MLIP: variants seen among roughly 807,000 people sequenced by gnomAD.
MLIP encodes the protein muscular LMNA interacting protein, also known as muscular LMNA-interacting protein.
MLIP carries 79 observed loss-of-function variants against 84.8 expected under a neutral mutation model. The observed-to-expected ratio is 0.93, with a 90% CI of 0.78 to 1.12. The LOEUF (loss-of-function observed/expected upper bound fraction) is 1.12, where lower values mean the gene tolerates loss of function less well. Among genes scored for constraint, MLIP ranks in the 50% most tolerant of loss-of-function variants. The pLI, the probability that MLIP is intolerant of heterozygous loss-of-function variation, is 0.00. For synonymous variants in MLIP, 504 were observed against 463.0 expected (o/e 1.09, Z -1.14); for missense variants, 1,257 against 1,160.6 (o/e 1.08, Z -1.21).
At chr6:54,236,876 A>C (rs1466241151) in intron 12 of MLIP, among the ~76,000 whole-genome samples, 1 of 152,126 alleles carries the variant, frequency 6.6e-6, no homozygotes, top group Non-Finnish European at 1.5e-5. Flanking sequence ...TGTGTCTTTA[A>C]ACAGTAAACA....
upstream of MLIP, among the ~76,000 whole-genome samples, chr6:54,109,565 T>C (rs535118): frequency 1 from 152,023 of 152,088 alleles, 75,979 homozygotes; most frequent in Middle Eastern, 1. Context: ...CCCTCTCTCT[T>C]TGCTTGAAAT....
chr6:54,142,685 G>A (rs1772417673), intron 4 of MLIP, among the ~76,000 whole-genome samples: 1 of 152,142 alleles, frequency 6.6e-6, no homozygotes, highest in Non-Finnish European at 1.5e-5. Context: ...AAATAGATAA[G>A]TGACCATCTT....
At chr6:54,069,772 T>A (rs1364948948) in intron 1 of MLIP, among the ~76,000 whole-genome samples, 1 of 99,810 alleles carries the variant, frequency 1.0e-5, no homozygotes, top group African/African-American at 2.6e-5. Context: ...CACACAAAAA[T>A]TTAAGAAAAA....
chr6:54,228,454 C>A (rs1017873216), intron 11 of MLIP, among the ~76,000 whole-genome samples: 2 of 152,164 alleles, frequency 1.3e-5, no homozygotes, highest in African/African-American at 4.8e-5. Context: ...TTTTGCTCGT[C>A]CAAGTGCTGA....
chr6:54,261,764 G>C, intron 13 of MLIP: 1 of 982,960 alleles, frequency 1.0e-6, no homozygotes, highest in African/African-American at 1.7e-5. Context: ...CTCATTTTCT[G>C]GTTTGATTCA....
At chr6:54,228,219 A>C (rs9464038) in intron 11 of MLIP, among the ~76,000 whole-genome samples, 2 of 143,022 alleles carry the variant, frequency 1.4e-5, no homozygotes, top group African/African-American at 2.6e-5. Context: ...AAAAAAGAGA[A>C]AGAAAAAAGA....
At chr6:54,224,218 T>C (rs1288483478) in intron 11 of MLIP, among the ~76,000 whole-genome samples, 1 of 151,548 alleles carries the variant, frequency 6.6e-6, no homozygotes, top group Non-Finnish European at 1.5e-5. Flanking sequence ...AACAGATCAA[T>C]AAAAAGGGAG....
chr6:54,205,377 A>G (rs1051735706), intron 11 of MLIP, among the ~76,000 whole-genome samples: 4 of 152,202 alleles, frequency 2.6e-5, no homozygotes, highest in African/African-American at 9.7e-5. Context: ...TTAGCCAGAC[A>G]GTTGGGCCAA....
chr6:54,213,910 G>T (rs991411013), intron 11 of MLIP, among the ~76,000 whole-genome samples: 10 of 151,714 alleles, frequency 6.6e-5, no homozygotes, highest in African/African-American at 2.4e-4. Context: ...ATAAAACCAT[G>T]GTCTATTCTG....
At chr6:54,206,603 T>C (rs748507544) in intron 11 of MLIP, among the ~76,000 whole-genome samples, 1 of 152,186 alleles carries the variant, frequency 6.6e-6, no homozygotes, top group Non-Finnish European at 1.5e-5. Context: ...TTCCTTGTTA[T>C]AGTATTTCAT....
chr6:54,154,194 C>T (rs1773774636), intron 5 of MLIP, among the ~76,000 whole-genome samples: 1 of 151,934 alleles, frequency 6.6e-6, no homozygotes, highest in Admixed American at 6.6e-5. Context: ...TAGTTTGGGG[C>T]CAGATAGGTC....
intron 11 of MLIP, among the ~76,000 whole-genome samples, chr6:54,223,437 GA>G (rs923008510): frequency 4.6e-5 from 7 of 151,830 alleles, no homozygotes; most frequent in African/African-American, 1.5e-4. Context: ...TATATTGTGT[GA>G]AATAAGGATC....
chr6:54,032,336 A>C (rs1764187659), intron 1 of MLIP: 2 of 152,070 alleles, frequency 1.3e-5, no homozygotes, highest in African/African-American at 4.8e-5. Context: ...ATCCTTTGAA[A>C]ATTTTCATAT....
At chr6:54,107,092 T>C (rs553439599), upstream of MLIP, among the ~76,000 whole-genome samples, 19 of 152,210 alleles carry the variant, frequency 1.2e-4, no homozygotes, top group Non-Finnish European at 2.2e-4. Context: ...CTTATCATTG[T>C]CTCTGTGCCT....
chr6:54,222,950 C>T (rs990561049), intron 11 of MLIP, among the ~76,000 whole-genome samples: 6 of 151,960 alleles, frequency 3.9e-5, no homozygotes, highest in African/African-American at 1.2e-4. Flanking sequence ...ATTTGCATTT[C>T]CCTGATGACT....
At chr6:54,141,558 C>T (rs891031269) in intron 4 of MLIP, among the ~76,000 whole-genome samples, 3 of 152,094 alleles carry the variant, frequency 2.0e-5, no homozygotes, top group Non-Finnish European at 2.9e-5. Flanking sequence ...CCGCCTGCCT[C>T]GGCATCCCAA....
intron 1 of MLIP, among the ~76,000 whole-genome samples, chr6:54,094,548 T>G (rs966577019): frequency 1.3e-5 from 2 of 152,058 alleles, no homozygotes; most frequent in African/African-American, 4.8e-5. Flanking sequence ...TTTTCCCATA[T>G]CCCACAGGTG....
intron 12 of MLIP, among the ~76,000 whole-genome samples, chr6:54,234,546 A>C (rs1401249097): frequency 6.6e-6 from 1 of 152,086 alleles, no homozygotes; most frequent in Non-Finnish European, 1.5e-5. Flanking sequence ...GATGCTGCAA[A>C]TCTATCAGTT....
intron 1 of MLIP, among the ~76,000 whole-genome samples, chr6:54,090,114 T>C (rs1371386761): frequency 6.6e-6 from 1 of 152,160 alleles, no homozygotes; most frequent in African/African-American, 2.4e-5. Flanking sequence ...TTCTTTCTTA[T>C]GCTTTTGGAT....
Sources: allele counts gnomAD v4.1 joint callset (sites outside exome capture counted in the v4.1 genomes callset), GRCh38; gene constraint gnomAD v4.1.1; transcripts MANE v1.5; gene names NCBI Gene and HGNC (gene_info 2026-07-23, HGNC 2026-07-21).